The following PDE10A variants were observed in gnomAD, a reference collection of about 807,000 sequenced individuals.
The protein encoded by PDE10A is phosphodiesterase 10A.
A neutral mutation model predicts 97.7 loss-of-function variants in PDE10A; 39 were observed. The observed-to-expected ratio is 0.40, with a 90% CI of 0.31 to 0.52. PDE10A has a LOEUF of 0.52. PDE10A is among the 20% of genes least tolerant of loss of function. The pLI, the probability that PDE10A is intolerant of heterozygous loss-of-function variation, is 0.56. For missense variants in PDE10A, 731 were observed against 1,047.8 expected (o/e 0.70, Z 4.17); for synonymous variants, 371 against 376.8 (o/e 0.98, Z 0.18).
At chr6:165,601,250 G>A (rs1165235186) in intron 1 of PDE10A, among the ~76,000 whole-genome samples, 1 of 152,116 alleles carries the variant, frequency 6.6e-6, no homozygotes, top group East Asian at 1.9e-4. Context: ...CAGCCACGTG[G>A]AACTGAAAGT....
intron 2 of PDE10A, among the ~76,000 whole-genome samples, chr6:165,496,612 G>A (rs1284755123): frequency 6.6e-6 from 1 of 152,208 alleles, no homozygotes; most frequent in African/African-American, 2.4e-5. Context: ...GGACACACGT[G>A]AAGGACTTAA....
intron 1 of PDE10A, among the ~76,000 whole-genome samples, chr6:165,851,984 T>C (rs912474548): frequency 1.3e-5 from 2 of 152,184 alleles, no homozygotes; most frequent in African/African-American, 4.8e-5. Context: ...GAAAAATAGA[T>C]TCATATTAAT....
intron 5 of PDE10A, among the ~76,000 whole-genome samples, chr6:165,443,953 G>A (rs1018815865): frequency 1.3e-5 from 2 of 152,186 alleles, no homozygotes; most frequent in African/African-American, 4.8e-5. Flanking sequence ...CTCCTCGTAT[G>A]CAAATTTCTG....
intron 1 of PDE10A, among the ~76,000 whole-genome samples, chr6:165,872,658 TTG>T (rs147811084): frequency 0.34 from 46,725 of 139,066 alleles, 7,801 homozygotes; most frequent in Middle Eastern, 0.49. Flanking sequence ...TGTGTTTTTT[TTG>T]TTGTTGTTGT....
chr6:165,774,093 C>A (rs1257523221), intron 1 of PDE10A, among the ~76,000 whole-genome samples: 1 of 152,012 alleles, frequency 6.6e-6, no homozygotes, highest in East Asian at 1.9e-4. Flanking sequence ...TGATTAGAAG[C>A]CTTTCACATG....
intron 2 of PDE10A, among the ~76,000 whole-genome samples, chr6:165,498,884 A>C (rs905593703): frequency 4.6e-5 from 7 of 152,176 alleles, no homozygotes; most frequent in African/African-American, 1.4e-4. Context: ...TTCTCTTCTA[A>C]AACTGTTCAA....
At chr6:165,700,116 G>A (rs1278534470) in intron 1 of PDE10A, among the ~76,000 whole-genome samples, 1 of 152,170 alleles carries the variant, frequency 6.6e-6, no homozygotes, top group Non-Finnish European at 1.5e-5. Flanking sequence ...ATGGATGAAT[G>A]GAGAGACAAA....
At chr6:165,520,642 T>A in intron 2 of PDE10A, among the ~76,000 whole-genome samples, 1 of 152,176 alleles carries the variant, frequency 6.6e-6, no homozygotes, top group East Asian at 1.9e-4. Flanking sequence ...TGAAACAAGA[T>A]AAATGTTTCT....
intron 3 of PDE10A, among the ~76,000 whole-genome samples, chr6:165,476,303 ATAAT>A (rs1335528507): frequency 6.6e-6 from 1 of 152,230 alleles, no homozygotes; most frequent in Admixed American, 6.5e-5. Context: ...CACTCTCAAG[ATAAT>A]TAAAGAATTA....
chr6:165,729,783 G>T (rs1792383149), intron 1 of PDE10A, among the ~76,000 whole-genome samples: 1 of 132,804 alleles, frequency 7.5e-6, no homozygotes, highest in Admixed American at 7.0e-5. Flanking sequence ...GGATTACTAG[G>T]CAGAAAAAAA....
intron 1 of PDE10A, among the ~76,000 whole-genome samples, chr6:165,808,659 C>A (rs936914919): frequency 1.3e-5 from 2 of 152,154 alleles, no homozygotes; most frequent in Non-Finnish European, 2.9e-5. Context: ...TTGGTACTTG[C>A]TATTCTGCAC....
At chr6:165,748,808 T>TG (rs1792900474) in intron 1 of PDE10A, among the ~76,000 whole-genome samples, 2 of 147,598 alleles carry the variant, frequency 1.4e-5, no homozygotes, top group Admixed American at 6.7e-5. Context: ...AGAAAGAAGT[T>TG]TGTGTGTGTG....
intron 1 of PDE10A, among the ~76,000 whole-genome samples, chr6:165,983,732 T>G (rs1413436482): frequency 6.6e-6 from 1 of 152,236 alleles, no homozygotes; most frequent in East Asian, 1.9e-4. Flanking sequence ...TACTTTTCTC[T>G]GTTTTACAGT....
intron 1 of PDE10A, among the ~76,000 whole-genome samples, chr6:165,766,796 A>G (rs1405305670): frequency 6.6e-6 from 1 of 152,260 alleles, no homozygotes; most frequent in Admixed American, 6.5e-5. Context: ...AGAAATTGTA[A>G]TAAATGTGTT....
At chr6:165,497,021 G>A (rs755215377) in intron 2 of PDE10A, among the ~76,000 whole-genome samples, 4 of 151,976 alleles carry the variant, frequency 2.6e-5, no homozygotes, top group East Asian at 1.9e-4. Flanking sequence ...ATGACAACAC[G>A]TGAAATAAAC....
At chr6:165,825,587 C>T (rs534695212) in intron 1 of PDE10A, among the ~76,000 whole-genome samples, 100 of 152,300 alleles carry the variant, frequency 6.6e-4, no homozygotes, top group African/African-American at 2.1e-3. Context: ...ATCTGGGCGG[C>T]CACAAAACAA....
chr6:165,351,791 T>C (rs899523931), intron 18 of PDE10A, among the ~76,000 whole-genome samples: 3 of 152,344 alleles, frequency 2.0e-5, no homozygotes, highest in Admixed American at 6.5e-5. Flanking sequence ...CGAGGCAAAC[T>C]GTGGAGCATG....
At chr6:165,570,531 CTTTT>C (rs1437882914) in intron 1 of PDE10A, among the ~76,000 whole-genome samples, 1 of 152,172 alleles carries the variant, frequency 6.6e-6, no homozygotes, top group Admixed American at 6.5e-5. Context: ...CAGCGTATTT[CTTTT>C]AAGCTGTACA....
At chr6:165,690,589 T>G (rs755295211) in intron 1 of PDE10A, among the ~76,000 whole-genome samples, 35 of 152,256 alleles carry the variant, frequency 2.3e-4, no homozygotes, top group Non-Finnish European at 4.3e-4. Flanking sequence ...GATGATGGGT[T>G]GGTAGGATGG....
Sources: gnomAD v4.1 joint callset for allele counts (sites outside exome capture counted in the v4.1 genomes callset) on GRCh38, gnomAD v4.1.1 for gene constraint, MANE v1.5 for transcripts, NCBI Gene and HGNC (gene_info 2026-07-23, HGNC 2026-07-21) for gene names.